NREP: variants seen among roughly 807,000 people sequenced by gnomAD.
NREP encodes the protein neuronal regeneration related protein, also known as neuronal regeneration-related protein.
In NREP, 5 loss-of-function variants were observed where a neutral mutation model predicts 8.6. The observed-to-expected ratio is 0.58, with a 90% CI of 0.30 to 1.22. The LOEUF is 1.22. Among genes scored for constraint, NREP ranks in the 50% most tolerant of loss-of-function variants. The probability of loss-of-function intolerance (pLI) is 0.07; values close to 1 mark genes in which losing one functional copy is unlikely to be tolerated. For synonymous variants in NREP, 27 were observed against 28.0 expected, an observed-to-expected ratio of 0.96 and a Z score of 0.11; for missense variants, 86 against 82.5, an observed-to-expected ratio of 1.04 and a Z score of -0.17.
intron 2 of NREP, among the ~76,000 whole-genome samples, chr5:111,835,651 C>T (rs551083244): frequency 6.6e-6 from 1 of 152,094 alleles, no homozygotes; most frequent in Non-Finnish European, 1.5e-5. Flanking sequence ...AAGGCTGGAA[C>T]ATAGGTTACT....
At chr5:111,781,245 T>C (rs1197605743) in intron 2 of NREP, among the ~76,000 whole-genome samples, 2 of 152,092 alleles carry the variant, frequency 1.3e-5, no homozygotes, top group African/African-American at 4.8e-5. Context: ...GGCTGCATGG[T>C]TTCTGAGGCT....
At chr5:111,810,257 G>A (rs753894552) in intron 2 of NREP, among the ~76,000 whole-genome samples, 2 of 152,250 alleles carry the variant, frequency 1.3e-5, no homozygotes, top group East Asian at 1.9e-4. Flanking sequence ...AAAATACACA[G>A]AATAGAGTGT....
intron 2 of NREP, among the ~76,000 whole-genome samples, chr5:111,967,594 ATCT>A (rs745479080): frequency 1.4e-3 from 215 of 152,252 alleles, no homozygotes; most frequent in African/African-American, 4.7e-3. Flanking sequence ...GCATTAGAAG[ATCT>A]TCTTCCCTCT....
intron 2 of NREP, among the ~76,000 whole-genome samples, chr5:111,901,293 A>G (rs1043618572): frequency 6.6e-6 from 1 of 152,188 alleles, no homozygotes; most frequent in African/African-American, 2.4e-5. Context: ...ATTGAATTCA[A>G]CATCCCTTCA....
intron 2 of NREP, among the ~76,000 whole-genome samples, chr5:111,891,256 T>G (rs1044733810): frequency 3.3e-5 from 5 of 152,262 alleles, no homozygotes; most frequent in African/African-American, 1.2e-4. Context: ...AGTTGTTTGC[T>G]AAAGCATAAC....
At chr5:111,915,263 A>C (rs1755025723) in intron 2 of NREP, among the ~76,000 whole-genome samples, 1 of 152,106 alleles carries the variant, frequency 6.6e-6, no homozygotes, top group African/African-American at 2.4e-5. Context: ...AGGTCAGGAG[A>C]GCTCTGATGT....
intron 2 of NREP, among the ~76,000 whole-genome samples, chr5:111,959,383 C>A (rs1756420219): frequency 6.6e-6 from 1 of 151,838 alleles, no homozygotes; most frequent in African/African-American, 2.4e-5. Flanking sequence ...TTTTTCTGAT[C>A]TGGGTGATTA....
intron 2 of NREP, among the ~76,000 whole-genome samples, chr5:111,894,169 A>T (rs1212635470): frequency 3.9e-5 from 6 of 152,126 alleles, no homozygotes; most frequent in African/African-American, 1.2e-4. Flanking sequence ...CAGTGAGCCG[A>T]GATCACGCCA....
At chr5:111,759,865 TTC>T (rs2112861856), upstream of NREP, among the ~76,000 whole-genome samples, 1 of 152,286 alleles carries the variant, frequency 6.6e-6, no homozygotes, top group Non-Finnish European at 1.5e-5. Flanking sequence ...CTTCTAAAAT[TTC>T]TTTTTAATCA....
chr5:111,840,551 T>C (rs1235772980), intron 2 of NREP, among the ~76,000 whole-genome samples: 1 of 152,110 alleles, frequency 6.6e-6, no homozygotes, highest in Non-Finnish European at 1.5e-5. Flanking sequence ...GCATTCTCAA[T>C]TGAGTCTGAG....
chr5:111,806,075 A>G (rs565626862), intron 2 of NREP, among the ~76,000 whole-genome samples: 237 of 152,336 alleles, frequency 1.6e-3, no homozygotes, highest in African/African-American at 5.3e-3. Flanking sequence ...TGAAAGGTAT[A>G]TAAGTGTTAT....
intron 2 of NREP, among the ~76,000 whole-genome samples, chr5:111,842,058 T>C (rs1399668554): frequency 6.6e-6 from 1 of 152,128 alleles, no homozygotes; most frequent in African/African-American, 2.4e-5. Context: ...CTATGTATTA[T>C]CTCATTTCAT....
intron 2 of NREP, among the ~76,000 whole-genome samples, chr5:111,794,420 A>C (rs1257375157): frequency 1.3e-5 from 2 of 152,206 alleles, no homozygotes; most frequent in Admixed American, 6.5e-5. Flanking sequence ...CTTGGAAACA[A>C]CCAAGACCTC....
At chr5:111,886,694 T>C (rs1328333803) in intron 2 of NREP, among the ~76,000 whole-genome samples, 1 of 150,592 alleles carries the variant, frequency 6.6e-6, no homozygotes, top group African/African-American at 2.4e-5. Flanking sequence ...AAATTGGAAA[T>C]CATCATTCTC....
intron 2 of NREP, among the ~76,000 whole-genome samples, chr5:111,814,376 T>G (rs1454703486): frequency 6.6e-6 from 1 of 152,158 alleles, no homozygotes; most frequent in Non-Finnish European, 1.5e-5. Flanking sequence ...TAGGGTATGT[T>G]GTGGGCCAAA....
At chr5:111,881,189 C>A (rs2661418) in intron 2 of NREP, among the ~76,000 whole-genome samples, 1 of 151,266 alleles carries the variant, frequency 6.6e-6, no homozygotes, top group South Asian at 2.1e-4. Context: ...ACACCTGGCT[C>A]AGAGGGTCCT....
chr5:111,784,142 T>C (rs889538838), intron 2 of NREP, among the ~76,000 whole-genome samples: 3 of 152,196 alleles, frequency 2.0e-5, no homozygotes, highest in Non-Finnish European at 4.4e-5. Flanking sequence ...TGCTATTTTC[T>C]ACTTGGGGCT....
intron 2 of NREP, among the ~76,000 whole-genome samples, chr5:111,882,280 A>T (rs1025582656): frequency 6.6e-6 from 1 of 152,176 alleles, no homozygotes; most frequent in Non-Finnish European, 1.5e-5. Context: ...AGTTTAGAGA[A>T]AAAAGAATAA....
intron 2 of NREP, among the ~76,000 whole-genome samples, chr5:111,792,790 T>C (rs1297585943): frequency 6.6e-6 from 1 of 152,180 alleles, no homozygotes; most frequent in Non-Finnish European, 1.5e-5. Context: ...ACAAACAAAA[T>C]TTATTTCTGC....
Sources: gnomAD v4.1 joint callset for allele counts (sites outside exome capture counted in the v4.1 genomes callset) on GRCh38, gnomAD v4.1.1 for gene constraint, MANE v1.5 for transcripts, NCBI Gene and HGNC (gene_info 2026-07-23, HGNC 2026-07-21) for gene names.